The following A1CF variants were observed in gnomAD, a reference collection of about 807,000 sequenced individuals.
The protein encoded by A1CF is APOBEC-1 stimulating protein.
In A1CF, 48 loss-of-function variants were observed where a neutral mutation model predicts 68.9. The observed-to-expected ratio is 0.70, with a 90% CI of 0.55 to 0.89. The LOEUF (loss-of-function observed/expected upper bound fraction) is 0.89. A1CF is among the 40% of genes least tolerant of loss of function. The pLI is 0.00. For missense variants in A1CF, 653 were observed against 718.9 expected, an observed-to-expected ratio of 0.91 and a Z score of 1.05; for synonymous variants, 272 against 260.4, an observed-to-expected ratio of 1.04 and a Z score of -0.43.
At chr10:50,810,432 T>C (rs1047973075) in intron 11 of A1CF, among the ~76,000 whole-genome samples, 5 of 152,192 alleles carry the variant, frequency 3.3e-5, no homozygotes, top group Non-Finnish European at 5.9e-5. Flanking sequence ...ATGTATAAAA[T>C]GGTAGTTTCA....
chr10:50,866,399 G>A (rs960594767), intron 1 of A1CF, among the ~76,000 whole-genome samples: 22 of 152,174 alleles, frequency 1.4e-4, no homozygotes, highest in African/African-American at 5.1e-4. Context: ...GAGGCAGAGA[G>A]GGATTGGAAT....
chr10:50,847,462 G>A (rs899242225), intron 3 of A1CF, among the ~76,000 whole-genome samples: 6 of 152,108 alleles, frequency 3.9e-5, no homozygotes, highest in African/African-American at 1.4e-4. Context: ...TCATGATGAA[G>A]CCATTGAGTC....
In A1CF at chr10:50,859,781, CA is replaced by C. The variant is rs371875915; in HGVS notation, c.99+60del. ...TTCCCATTTTGCATCTTAGGACCTC[CA>C]ATATTCCCACCACTGTGCAAATTCA... On this transcript the variant is annotated intron_variant, in intron 3 of 12. Coordinates refer to ENST00000373997, the MANE Select transcript of A1CF (RefSeq NM_014576.4). 340 of 1,469,806 alleles carry C rather than the reference CA, an allele frequency of 2.3e-4. 4 individuals are homozygous for C. The East Asian group carries it at 5.9e-3, about 26-fold the overall frequency. 91.0% of individuals were successfully genotyped at this position (1,469,806 alleles called of 1,614,324 possible). A position where few individuals can be genotyped will look rare whatever the true frequency, so the allele number is the denominator to read the frequency against.
chr10:50,882,856 T>A (rs1383720149), intron 1 of A1CF, among the ~76,000 whole-genome samples: 2 of 152,206 alleles, frequency 1.3e-5, no homozygotes, highest in Non-Finnish European at 2.9e-5. Flanking sequence ...ATGACAATTT[T>A]TAAAAGACAG....
At chr10:50,844,454 T>C (rs1839911687) in intron 3 of A1CF, among the ~76,000 whole-genome samples, 2 of 152,150 alleles carry the variant, frequency 1.3e-5, no homozygotes, top group Non-Finnish European at 2.9e-5. Flanking sequence ...ATCAGGGTAA[T>C]TAGTATATCC....
At chr10:50,823,754 C>A (rs1213117818) in intron 7 of A1CF, among the ~76,000 whole-genome samples, 13 of 152,010 alleles carry the variant, frequency 8.6e-5, no homozygotes, top group Non-Finnish European at 1.9e-4. Context: ...AAGAACAAAC[C>A]ATCTTCAGGT....
chr10:50,811,710 GT>G (rs916210937), intron 10 of A1CF, among the ~76,000 whole-genome samples: 5 of 152,078 alleles, frequency 3.3e-5, no homozygotes, highest in African/African-American at 4.8e-5. Context: ...CAGTTGCAAT[GT>G]TTTTATTTGT....
intron 8 of A1CF, among the ~76,000 whole-genome samples, chr10:50,818,185 T>C (rs1329502151): frequency 2.0e-5 from 3 of 152,170 alleles, no homozygotes; most frequent in African/African-American, 7.2e-5. Context: ...TATAATAGCT[T>C]TATAACTAGT....
chr10:50,826,104 A>C (rs1415755263), intron 7 of A1CF, among the ~76,000 whole-genome samples: 1 of 152,140 alleles, frequency 6.6e-6, no homozygotes, highest in African/African-American at 2.4e-5. Context: ...ATTCTTCATT[A>C]CAGTAAATAT....
intron 3 of A1CF, chr10:50,850,754 G>A: frequency 6.2e-7 from 1 of 1,614,056 alleles, no homozygotes; most frequent in Non-Finnish European, 8.5e-7. Context: ...CTCGCTTCTG[G>A]CTCTGGGCAT....
intron 7 of A1CF, among the ~76,000 whole-genome samples, chr10:50,827,305 T>G (rs1838996234): frequency 6.6e-6 from 1 of 152,174 alleles, no homozygotes; most frequent in Admixed American, 6.5e-5. Context: ...TACAGAATTC[T>G]CCACCCCAAA....
chr10:50,863,710 G>C (rs1029244866), intron 2 of A1CF, among the ~76,000 whole-genome samples: 2 of 152,120 alleles, frequency 1.3e-5, no homozygotes, highest in Non-Finnish European at 1.5e-5. Context: ...TAGAAAGGTG[G>C]TTACTAGAGG....
chr10:50,832,253 G>A (rs114798374), intron 6 of A1CF, among the ~76,000 whole-genome samples: 2,456 of 152,292 alleles, frequency 0.016, 68 homozygotes, highest in African/African-American at 0.054. Flanking sequence ...ATCAGCCACA[G>A]TGGGAGTGTT....
chr10:50,829,979 G>A (rs945788444), intron 6 of A1CF, among the ~76,000 whole-genome samples: 1 of 152,134 alleles, frequency 6.6e-6, no homozygotes, highest in African/African-American at 2.4e-5. Flanking sequence ...TTTGATACAT[G>A]TATACATGTA....
chr10:50,858,457 AC>A (rs1376733349), intron 3 of A1CF, among the ~76,000 whole-genome samples: 29 of 152,246 alleles, frequency 1.9e-4, no homozygotes, highest in African/African-American at 7.0e-4. Flanking sequence ...TTGTATTTAT[AC>A]ATTTAAGTTT....
intron 3 of A1CF, among the ~76,000 whole-genome samples, chr10:50,852,572 T>A (rs1335652075): frequency 6.6e-6 from 1 of 152,180 alleles, no homozygotes; most frequent in African/African-American, 2.4e-5. Flanking sequence ...AAAGAATTGG[T>A]ATCCGTGCAC....
chr10:50,846,717 A>G (rs1229075125), intron 3 of A1CF, among the ~76,000 whole-genome samples: 1 of 152,232 alleles, frequency 6.6e-6, no homozygotes, highest in Non-Finnish European at 1.5e-5. Flanking sequence ...CTATTTATGC[A>G]TATGATGCAT....
chr10:50,814,080 C>T, intron 9 of A1CF, 42 bp from the exon 10 acceptor site: 1 of 1,605,178 alleles, frequency 6.2e-7, no homozygotes, highest in Non-Finnish European at 8.5e-7. Flanking sequence ...CGTAAGAAGG[C>T]ATTAAACTGA....
At chr10:50,853,587 G>T (rs751681864) in intron 3 of A1CF, among the ~76,000 whole-genome samples, 2 of 152,002 alleles carry the variant, frequency 1.3e-5, no homozygotes, top group South Asian at 4.1e-4. Context: ...ATACATGAAC[G>T]AGTGAGGGCC....
Sources: gnomAD v4.1 joint callset for allele counts (sites outside exome capture counted in the v4.1 genomes callset) on GRCh38, gnomAD v4.1.1 for gene constraint, MANE v1.5 for transcripts, NCBI Gene and HGNC (gene_info 2026-07-23, HGNC 2026-07-21) for gene names.